FOXP1: variants seen among roughly 807,000 people sequenced by gnomAD.
The protein encoded by FOXP1 is forkhead box P1, also known as forkhead box protein P1.
A neutral mutation model predicts 98.2 loss-of-function variants in FOXP1; 15 were observed. The observed-to-expected ratio is 0.15, with a 90% confidence interval of 0.10 to 0.24. FOXP1 has a LOEUF of 0.24. FOXP1 is among the 10% of genes least tolerant of loss of function. The probability of loss-of-function intolerance (pLI) is 1.00; values close to 1 mark genes in which losing one functional copy is unlikely to be tolerated. For synonymous variants in FOXP1, 371 were observed against 314.5 expected, an observed-to-expected ratio of 1.18 and a Z score of -1.90; for missense variants, 633 against 848.5, an observed-to-expected ratio of 0.75 and a Z score of 3.15.
intron 6 of FOXP1, among the ~76,000 whole-genome samples, chr3:71,188,419 CTT>C (rs1218204951): frequency 2.8e-5 from 4 of 142,148 alleles, no homozygotes; most frequent in African/African-American, 5.2e-5. Context: ...TTTTTTTTTC[CTT>C]TTTTTTTTTT....
chr3:71,109,941 C>G (rs190207030), intron 7 of FOXP1, among the ~76,000 whole-genome samples: 386 of 152,286 alleles, frequency 2.5e-3, no homozygotes, highest in African/African-American at 8.9e-3. Flanking sequence ...AATTCCTCTA[C>G]TTGGGGGGTA....
intron 3 of FOXP1, among the ~76,000 whole-genome samples, chr3:71,378,168 G>A (rs1276765529): frequency 2.0e-5 from 3 of 148,910 alleles, no homozygotes; most frequent in East Asian, 2.0e-4. Flanking sequence ...GGCAAAAAGT[G>A]GGTGGATAAA....
intron 2 of FOXP1, among the ~76,000 whole-genome samples, chr3:71,522,191 C>T (rs1329266909): frequency 6.6e-6 from 1 of 152,214 alleles, no homozygotes; most frequent in Non-Finnish European, 1.5e-5. Context: ...CTGTGGGCAG[C>T]TGCCCAATGA....
intron 3 of FOXP1, among the ~76,000 whole-genome samples, chr3:71,422,922 CCAAAACT>C (rs2083779395): frequency 6.6e-6 from 1 of 152,040 alleles, no homozygotes; most frequent in Admixed American, 6.6e-5. Context: ...AAAACACAAA[CCAAAACT>C]CCAATACAAA....
In FOXP1 at chr3:70,957,577, TA is replaced by T. The variant is rs886058842; in HGVS notation, c.*1669del. On this transcript the variant is annotated 3_prime_UTR_variant, in exon 21 of 21. Coordinates refer to ENST00000649528, the MANE Select transcript of FOXP1 (RefSeq NM_001349338.3). ...ATTAAGCTTCGAAAGGCTCTCGAAC[TA>T]AAAAAAACTACAGTCCTATATAAAT... 6 of 231,892 alleles carry T rather than the reference TA, an allele frequency of 2.6e-5. No homozygotes were observed. The highest frequency in any genetic ancestry group is 8.8e-5 in the African/African-American group (4 of 45,200). The allele number at this position is 231,892 out of a possible 1,614,324, so 14.4% of individuals were successfully genotyped here. A position where few individuals can be genotyped will look rare whatever the true frequency, so the allele number is the denominator to read the frequency against.
At chr3:71,341,708 AG>A (rs1466870974) in intron 4 of FOXP1, among the ~76,000 whole-genome samples, 2 of 152,242 alleles carry the variant, frequency 1.3e-5, no homozygotes, top group Non-Finnish European at 2.9e-5. Flanking sequence ...CAAAAGAAAA[AG>A]AAAAACAAAG....
At chr3:71,570,933 C>A (rs538120964) in intron 2 of FOXP1, 1 of 151,526 alleles carries the variant, frequency 6.6e-6, no homozygotes, top group East Asian at 1.9e-4. Context: ...GGGTAGGAGG[C>A]TTTGCTTTGA....
chr3:71,572,777 C>CG (rs1174973759), intron 2 of FOXP1: 1 of 152,192 alleles, frequency 6.6e-6, no homozygotes. Context: ...TCTCTTAAGC[C>CG]GGGCTACAGG....
chr3:71,378,350 C>T (rs1362049248), intron 3 of FOXP1, among the ~76,000 whole-genome samples: 1 of 150,730 alleles, frequency 6.6e-6, no homozygotes, highest in African/African-American at 2.4e-5. Context: ...CTGTTATCCA[C>T]GGGTTGTGCT....
chr3:71,084,814 C>T (rs368680808), intron 7 of FOXP1, among the ~76,000 whole-genome samples: 1 of 152,160 alleles, frequency 6.6e-6, no homozygotes, highest in South Asian at 2.1e-4. Context: ...GGGGGAATCG[C>T]TGGAGCCCAG....
chr3:71,512,148 T>C (rs371497695), intron 2 of FOXP1, among the ~76,000 whole-genome samples: 32 of 152,094 alleles, frequency 2.1e-4, no homozygotes, highest in African/African-American at 7.5e-4. Flanking sequence ...CAAGGTCACA[T>C]AGTAATTAAG....
chr3:71,327,789 C>G (rs2076005588), intron 4 of FOXP1, among the ~76,000 whole-genome samples: 1 of 152,128 alleles, frequency 6.6e-6, no homozygotes, highest in African/African-American at 2.4e-5. Context: ...TTTACTGATA[C>G]ATTATATCTC....
rs192649381 is a variant in FOXP1 at position 71,446,492 on chromosome 3, A to G, written c.-168+46934T>C. Among the ~76,000 whole-genome samples the G allele has an allele frequency of 3.8e-4, 58 of 152,174 alleles. No homozygotes were observed. The East Asian group carries it at 8.9e-3, about 23-fold the overall frequency. On this transcript the variant is annotated intron_variant, in intron 3 of 20. Coordinates refer to ENST00000649528, the MANE Select transcript of FOXP1 (RefSeq NM_001349338.3). ...CCAGGCGGCTTCCCAGAGGCAGAGG[A>G]GGATGAAGCTAGAGATAGGGCTGAG...
At position 71,315,651 on chromosome 3, in the gene FOXP1, G is replaced by C. The variant is rs569906532; in HGVS notation, c.-72-15771C>G. Among the ~76,000 whole-genome samples the C allele has an allele frequency of 4.6e-5, 7 of 152,298 alleles. No homozygotes were observed. The South Asian group carries it at 6.2e-4, about 14-fold the overall frequency. ...GACTCTGTGTGACCAAGGTCACACA[G>C]GTGGTGGGGACGAAAGCAGGAACTC... On this transcript the variant is annotated intron_variant, in intron 4 of 20. Transcript: ENST00000649528.
chr3:71,284,677 C>A (rs1383407416), intron 5 of FOXP1, among the ~76,000 whole-genome samples: 1 of 151,910 alleles, frequency 6.6e-6, no homozygotes, highest in African/African-American at 2.4e-5. Flanking sequence ...TTTATTGTAT[C>A]CGAAAGGATG....
chr3:71,546,928 T>G (rs1247137039), intron 2 of FOXP1, among the ~76,000 whole-genome samples: 1 of 151,460 alleles, frequency 6.6e-6, no homozygotes, highest in Admixed American at 6.6e-5. Context: ...AGAAGGAAAT[T>G]GCAAAGAAAG....
intron 5 of FOXP1, among the ~76,000 whole-genome samples, chr3:71,235,720 C>T (rs181301136): frequency 1.3e-5 from 2 of 152,096 alleles, no homozygotes; most frequent in Non-Finnish European, 2.9e-5. Flanking sequence ...GTGCGTGCCA[C>T]CATGCCCGGC....
chr3:71,169,202 G>A (rs917483036), intron 6 of FOXP1, among the ~76,000 whole-genome samples: 3 of 152,278 alleles, frequency 2.0e-5, no homozygotes, highest in East Asian at 3.9e-4. Flanking sequence ...CACAGTGGAC[G>A]CCTGTCAGCT....
At position 71,015,605 on chromosome 3, in the gene FOXP1, A is replaced by G. The variant is rs572234022; in HGVS notation, c.918T>C (p.Gly306=). ...CTTCACAGCCTGGCCACTTGCATACACCATGTCCATAGAGAGGATGGCTAT... is the reference window on the plus strand; with the variant it reads ...CTTCACAGCCTGGCCACTTGCATACGCCATGTCCATAGAGAGGATGGCTAT... ...HPHSHPLYGH[G]VCKWPGCEAV... Residue 306 remains glycine (G), a synonymous_variant, in exon 12 of 21, where the codon GGT becomes GGC. Coordinates refer to ENST00000649528, the MANE Select transcript of FOXP1 (RefSeq NM_001349338.3). 9.3e-6 allele frequency: 15 copies of G among 1,613,256 alleles called. No homozygotes were observed. Among genetic ancestry groups the G allele is most frequent in the Non-Finnish European group, 1.2e-5 (14 of 1,179,464 alleles).
Sources: allele counts gnomAD v4.1 joint callset (sites outside exome capture counted in the v4.1 genomes callset), GRCh38; gene constraint gnomAD v4.1.1; transcripts MANE v1.5; gene names NCBI Gene and HGNC (gene_info 2026-07-23, HGNC 2026-07-21).